The following C16orf46 variants were observed in gnomAD, a reference collection of about 807,000 sequenced individuals.
The protein encoded by C16orf46 is chromosome 16 open reading frame 46, also known as uncharacterized protein C16orf46.
C16orf46 carries 7 observed loss-of-function variants against 5.5 expected under a neutral mutation model. That is an observed-to-expected ratio of 1.28 (90% CI 0.73 to 2.40). C16orf46 has a LOEUF of 2.40. Among genes scored for constraint, C16orf46 ranks in the 30% most tolerant of loss-of-function variants. C16orf46 has a pLI of 0.00. For synonymous variants in C16orf46, 200 were observed against 184.1 expected (o/e 1.09, Z -0.70); for missense variants, 614 against 476.0 (o/e 1.29, Z -2.70).
At chr16:81,054,156 C>T (rs746212723) in intron 3 of C16orf46, 20 of 1,513,726 alleles carry the variant, frequency 1.3e-5, no homozygotes, top group Non-Finnish European at 1.7e-5. Context: ...GAAAATGTGG[C>T]AGAAGTCAAT....
downstream of C16orf46, among the ~76,000 whole-genome samples, chr16:81,058,413 C>G (rs1354539332): frequency 2.0e-5 from 3 of 152,144 alleles, no homozygotes; most frequent in Non-Finnish European, 2.9e-5. Context: ...AAATTCAGTA[C>G]AAGAGTCATG....
At chr16:81,071,716 A>G (rs1030740054) in intron 1 of C16orf46, among the ~76,000 whole-genome samples, 4 of 152,166 alleles carry the variant, frequency 2.6e-5, no homozygotes, top group Admixed American at 2.0e-4. Flanking sequence ...AAATAACCCC[A>G]AAAATAAAAA....
chr16:81,066,031 G>A (rs746516181), intron 2 of C16orf46, among the ~76,000 whole-genome samples, 162 bp downstream of exon 2: 2 of 151,758 alleles, frequency 1.3e-5, no homozygotes, highest in East Asian at 1.9e-4. Context: ...GATTACGGGC[G>A]TGAGTCACCG....
At chr16:81,059,535 C>T (rs1455715311), downstream of C16orf46, among the ~76,000 whole-genome samples, 1 of 152,138 alleles carries the variant, frequency 6.6e-6, no homozygotes, top group East Asian at 1.9e-4. Context: ...AACGGTTCAT[C>T]AGAACATGTG....
Position 81,075,422 on chromosome 16 carries a change from T to C in C16orf46, c.-128+1714A>G, listed in dbSNP as rs140643525. Among the ~76,000 whole-genome samples the C allele has an allele frequency of 2.8e-3, 431 of 152,242 alleles. 3 individuals carry two copies. Among genetic ancestry groups the C allele is most frequent in the African/African-American group, 1.0e-2 (415 of 41,532 alleles). ...CTGGCCAATATGATGAAACCCCATC[T>C]TTACCGAAAATACAAAAATTAGCCA... On this transcript the variant is annotated intron_variant, in intron 1 of 3. Transcript: ENST00000299578.
chr16:81,073,756 C>T (rs1193927674), intron 1 of C16orf46, among the ~76,000 whole-genome samples: 1 of 152,122 alleles, frequency 6.6e-6, no homozygotes, highest in Non-Finnish European at 1.5e-5. Flanking sequence ...GTGGGGGTCA[C>T]ATCCCAAGGA....
In C16orf46 at chr16:81,062,131, C is replaced by T. The variant is rs745791363; in HGVS notation, c.218G>A (p.Gly73Glu). ...GGCAGCTGGAGAAGTCCTTCCCCAC[C>T]CTTGGACCTGCAAATAAAGCGGCAT... ...IGTGWEEAVQ[G>E]WGRTSPAACI... The change falls in exon 4 of 4, where the codon GGG (glycine) becomes GAG (glutamate). Residue 73 changes from glycine to glutamate, a missense_variant. Physicochemically the swap from Gly to Glu is moderately conservative, Grantham distance 98. Transcript: ENST00000299578. The T allele has an allele frequency of 6.4e-7, 1 of 1,568,574 alleles. No homozygotes were observed. The highest frequency in any genetic ancestry group is 8.6e-7 in the Non-Finnish European group (1 of 1,161,530).
Position 81,063,776 on chromosome 16 carries a change from CT to C in C16orf46, c.179del (p.Glu60GlyfsTer35), listed in dbSNP as rs1971564184. On this transcript the variant is annotated frameshift_variant, in exon 3 of 4. Coordinates refer to ENST00000299578, the MANE Select transcript of C16orf46 (RefSeq NM_152337.3). LOFTEE classifies it low-confidence loss of function (END_TRUNC). ...CTTCCCATCCAGTTCCAATAATAAACTCTTTGGCTTTTTCATCTTGTTCAAG... is the reference window on the plus strand; with the variant it reads ...CTTCCCATCCAGTTCCAATAATAAACCTTTGGCTTTTTCATCTTGTTCAAG... ...ITLEQDEKAK[E>X]FIIGTGWEEA... is the part of the protein sequence containing the mutation. The C allele has an allele frequency of 6.2e-7, 1 of 1,613,808 alleles. No individual in the cohort carries two copies.
chr16:81,059,273 A>G (rs1053001970), downstream of C16orf46, among the ~76,000 whole-genome samples: 2 of 141,828 alleles, frequency 1.4e-5, no homozygotes, highest in Non-Finnish European at 3.0e-5. Context: ...GTGAGCCAAG[A>G]TCATGCCACT....
At chr16:81,065,521 T>C (rs967087361) in intron 2 of C16orf46, among the ~76,000 whole-genome samples, 1 of 143,520 alleles carries the variant, frequency 7.0e-6, no homozygotes, top group Non-Finnish European at 1.5e-5. Context: ...TTCCTACAGA[T>C]AGGGGTTCCT....
downstream of C16orf46, chr16:81,060,939 C>T (rs1373753922): frequency 6.0e-5 from 79 of 1,318,184 alleles, no homozygotes; most frequent in Non-Finnish European, 7.4e-5. Context: ...CACGTTAACA[C>T]ATGAATATGG....
chr16:81,060,614 G>C (rs1243524865), downstream of C16orf46: 1 of 153,700 alleles, frequency 6.5e-6, no homozygotes, highest in African/African-American at 2.4e-5. Flanking sequence ...CCGGCCTGGA[G>C]TTTTTTATTA....
chr16:81,071,053 T>C (rs12922449), intron 1 of C16orf46, among the ~76,000 whole-genome samples: 3,899 of 152,256 alleles, frequency 0.026, 84 homozygotes, highest in African/African-American at 0.06. Flanking sequence ...CTTTTCACTA[T>C]ATGGTGTGGA....
chr16:81,068,156 C>T lies in C16orf46; in HGVS notation c.-127-1875G>A, dbSNP rs560449399. 3.9e-5 allele frequency among the ~76,000 whole-genome samples: 6 copies of T among 152,294 alleles called. No individual in the cohort carries two copies. The East Asian group carries it at 9.7e-4, about 25-fold the overall frequency. ...CTGAGAAGTACAAGACTATCAAATGCTCCTTTGTTATACGTCCGGCAAAGT... is the reference window on the plus strand; with the variant it reads ...CTGAGAAGTACAAGACTATCAAATGTTCCTTTGTTATACGTCCGGCAAAGT... On this transcript the variant is annotated intron_variant, in intron 1 of 3. Transcript: ENST00000299578.
At chr16:81,055,078 T>C (rs968978252) in intron 3 of C16orf46, among the ~76,000 whole-genome samples, 22 of 152,370 alleles carry the variant, frequency 1.4e-4, no homozygotes, top group African/African-American at 5.0e-4. Context: ...TCTGACATCC[T>C]ACTTTCCTGA....
intron 3 of C16orf46, among the ~76,000 whole-genome samples, chr16:81,054,893 C>G (rs1971251844): frequency 6.6e-6 from 1 of 152,146 alleles, no homozygotes; most frequent in Non-Finnish European, 1.5e-5. Flanking sequence ...AGTGATTCAC[C>G]CACCTCGGGC....
exon 4 of C16orf46, chr16:81,054,063 T>C (rs373816275): frequency 2.2e-5 from 35 of 1,611,118 alleles, no homozygotes; most frequent in Admixed American, 1.7e-5. Flanking sequence ...GTGAAACTGA[T>C]CCCTCTCCTA....
At position 81,054,203 on chromosome 16, in the gene C16orf46, A is replaced by G. The variant is rs1368742573; in HGVS notation, c.1144-109T>C. The G allele has an allele frequency of 4.0e-6, 4 of 989,094 alleles. No individual in the cohort carries two copies. The East Asian group carries it at 9.9e-5, about 25-fold the overall frequency. 61.3% of individuals were successfully genotyped at this position (989,094 alleles called of 1,614,324 possible). On this transcript the variant is annotated intron_variant, in intron 3 of 3. Coordinates refer to the C16orf46 transcript ENST00000378611. ...ATGACAAAAGGATATTCAACCATGA[A>G]GACTGCCCTCAATAACTTTTTCCTT...
downstream of C16orf46, among the ~76,000 whole-genome samples, chr16:81,058,785 T>C (rs1971377489): frequency 6.6e-6 from 1 of 152,158 alleles, no homozygotes; most frequent in African/African-American, 2.4e-5. Flanking sequence ...TATCTGAAAA[T>C]TGTTCCTATC....
Sources: gnomAD v4.1 joint callset for allele counts (sites outside exome capture counted in the v4.1 genomes callset) on GRCh38, gnomAD v4.1.1 for gene constraint, MANE v1.5 for transcripts, NCBI Gene and HGNC (gene_info 2026-07-23, HGNC 2026-07-21) for gene names.